Variants in GALNT13 observed in about 807,000 individuals in gnomAD.
The protein encoded by GALNT13 is polypeptide N-acetylgalactosaminyltransferase 13, also known as UDP-GalNAc:polypeptide N-acetylgalactosaminyltransferase 13.
A neutral mutation model predicts 64.2 loss-of-function variants in GALNT13; 28 were observed. The ratio of observed to expected loss-of-function variants is 0.44; its 90% CI spans 0.32 to 0.60. GALNT13 has a LOEUF of 0.60. Ranked by LOEUF, GALNT13 falls within the 20% of genes least tolerant of loss-of-function variation. The pLI is 0.05. For synonymous variants in GALNT13, 214 were observed against 224.6 expected (o/e 0.95, Z 0.42); for missense variants, 577 against 669.8 (o/e 0.86, Z 1.53).
At chr2:153,813,815 C>G in the GALNT13 span, among the ~76,000 whole-genome samples, 1 of 152,130 alleles carries the variant, frequency 6.6e-6, no homozygotes, top group Non-Finnish European at 1.5e-5. Flanking sequence ...TTATTTCTTA[C>G]AATTATATAG....
chr2:153,128,284 C>T, the GALNT13 span, among the ~76,000 whole-genome samples: 2 of 152,070 alleles, frequency 1.3e-5, no homozygotes, highest in African/African-American at 4.8e-5. Flanking sequence ...GTTGGGGAGG[C>T]CTCACAATCA....
the GALNT13 span, among the ~76,000 whole-genome samples, chr2:153,584,410 A>C: frequency 1.3e-5 from 2 of 152,188 alleles, no homozygotes; most frequent in African/African-American, 2.4e-5. Flanking sequence ...AGCATCCTAC[A>C]GCTACCTCCC....
intron 3 of GALNT13, among the ~76,000 whole-genome samples, chr2:153,966,595 C>T (rs1158508418): frequency 6.6e-6 from 1 of 152,174 alleles, no homozygotes; most frequent in South Asian, 2.1e-4. Flanking sequence ...GTCTCGATCT[C>T]ATGACCTCGT....
chr2:154,134,209 A>C (rs925708524), intron 3 of GALNT13, among the ~76,000 whole-genome samples: 1 of 152,222 alleles, frequency 6.6e-6, no homozygotes, highest in Non-Finnish European at 1.5e-5. Context: ...GATAACATGC[A>C]AAAAATGGAA....
chr2:154,295,994 T>C (rs1692901833), intron 8 of GALNT13, among the ~76,000 whole-genome samples: 1 of 152,218 alleles, frequency 6.6e-6, no homozygotes, highest in South Asian at 2.1e-4. Flanking sequence ...CAGCCTTTAT[T>C]TCTTCTCTTT....
chr2:154,184,056 C>T (rs963757679), intron 4 of GALNT13, among the ~76,000 whole-genome samples: 4 of 151,558 alleles, frequency 2.6e-5, no homozygotes, highest in African/African-American at 7.3e-5. Flanking sequence ...CATGAATTAA[C>T]CCATATATTA....
At chr2:153,711,166 C>T in the GALNT13 span, among the ~76,000 whole-genome samples, 1 of 152,064 alleles carries the variant, frequency 6.6e-6, no homozygotes, top group Admixed American at 6.6e-5. Flanking sequence ...TTGAAAGAGT[C>T]ATTTATCAAA....
At chr2:153,201,544 A>G in the GALNT13 span, among the ~76,000 whole-genome samples, 1 of 152,152 alleles carries the variant, frequency 6.6e-6, no homozygotes, top group Non-Finnish European at 1.5e-5. Flanking sequence ...CTTCTTTAAG[A>G]GCACATTTTC....
chr2:154,073,880 C>G (rs377339617), intron 3 of GALNT13, among the ~76,000 whole-genome samples: 1 of 151,760 alleles, frequency 6.6e-6, no homozygotes, highest in African/African-American at 2.4e-5. Context: ...AAACAACATA[C>G]TATAGCAAAT....
At chr2:153,875,323 A>T (rs1417227977) in intron 1 of GALNT13, among the ~76,000 whole-genome samples, 1 of 152,190 alleles carries the variant, frequency 6.6e-6, no homozygotes, top group East Asian at 1.9e-4. Flanking sequence ...ATTTTTCTTT[A>T]AAAATATTAT....
the GALNT13 span, among the ~76,000 whole-genome samples, chr2:153,185,142 C>T: frequency 9.9e-5 from 15 of 152,106 alleles, no homozygotes; most frequent in Admixed American, 3.9e-4. Flanking sequence ...TTTCAGAACT[C>T]GTTATTGGTC....
At chr2:153,518,886 C>T in the GALNT13 span, among the ~76,000 whole-genome samples, 2 of 152,070 alleles carry the variant, frequency 1.3e-5, no homozygotes, top group Non-Finnish European at 2.9e-5. Flanking sequence ...ATTGACTCAG[C>T]ACAATACAGT....
At chr2:153,720,207 A>G in the GALNT13 span, among the ~76,000 whole-genome samples, 984 of 145,756 alleles carry the variant, frequency 6.8e-3, 83 homozygotes, top group East Asian at 0.18. Flanking sequence ...GCACACTGAC[A>G]CCTCACACGG....
chr2:153,352,151 T>A, the GALNT13 span, among the ~76,000 whole-genome samples: 2 of 152,152 alleles, frequency 1.3e-5, no homozygotes, highest in Non-Finnish European at 2.9e-5. Flanking sequence ...TTATGGCTAT[T>A]CTAATAGGTA....
At chr2:153,495,057 T>C in the GALNT13 span, among the ~76,000 whole-genome samples, 1 of 152,216 alleles carries the variant, frequency 6.6e-6, no homozygotes, top group South Asian at 2.1e-4. Flanking sequence ...CTACTGAAAA[T>C]AGACACAATT....
the GALNT13 span, among the ~76,000 whole-genome samples, chr2:153,719,426 C>G: frequency 6.6e-6 from 1 of 152,122 alleles, no homozygotes; most frequent in Non-Finnish European, 1.5e-5. Flanking sequence ...TGTTCAAAGT[C>G]CCTTTGAGAA....
chr2:153,379,738 T>C, the GALNT13 span, among the ~76,000 whole-genome samples: 1 of 152,138 alleles, frequency 6.6e-6, no homozygotes, highest in Non-Finnish European at 1.5e-5. Flanking sequence ...ATGGATATAA[T>C]ATTATTTCTG....
chr2:154,379,276 T>A (rs1698151075), intron 9 of GALNT13, among the ~76,000 whole-genome samples: 1 of 152,088 alleles, frequency 6.6e-6, no homozygotes, highest in South Asian at 2.1e-4. Context: ...AAACTCACCT[T>A]GTAAAATGCT....
the GALNT13 span, among the ~76,000 whole-genome samples, chr2:153,618,582 T>A: frequency 1.3e-5 from 2 of 151,952 alleles, no homozygotes; most frequent in East Asian, 3.9e-4. Flanking sequence ...TTTGTTGATT[T>A]TCTGTCTGGA....
Sources: gnomAD v4.1 joint callset for allele counts (sites outside exome capture counted in the v4.1 genomes callset) on GRCh38, gnomAD v4.1.1 for gene constraint, MANE v1.5 for transcripts, NCBI Gene and HGNC (gene_info 2026-07-23, HGNC 2026-07-21) for gene names.